Variants in FSTL5 observed in about 807,000 individuals in gnomAD.
FSTL5 encodes follistatin like 5, also known as follistatin-related protein 5.
Under a neutral mutation model 89.1 loss-of-function variants are expected in FSTL5, and 62 were observed. The observed-to-expected ratio is 0.70, with a 90% CI of 0.57 to 0.86. The LOEUF (loss-of-function observed/expected upper bound fraction) is 0.86, where lower values mean the gene tolerates loss of function less well. Among genes scored for constraint, FSTL5 ranks in the 40% least tolerant of loss-of-function variants. The probability of loss-of-function intolerance (pLI) is 0.00; values close to 1 mark genes in which losing one functional copy is unlikely to be tolerated. For missense variants in FSTL5, 1,057 were observed against 1,001.6 expected (o/e 1.06, Z -0.75); for synonymous variants, 383 against 346.2 (o/e 1.11, Z -1.18).
chr4:161,941,347 G>T (rs192618648), intron 3 of FSTL5, among the ~76,000 whole-genome samples: 2 of 151,818 alleles, frequency 1.3e-5, no homozygotes, highest in African/African-American at 4.8e-5. Flanking sequence ...TCAAAAGGAA[G>T]GGATTGGCAG....
intron 7 of FSTL5, among the ~76,000 whole-genome samples, chr4:161,600,050 A>G (rs1163969205): frequency 1.3e-5 from 2 of 152,024 alleles, no homozygotes; most frequent in Admixed American, 6.6e-5. Context: ...ATTTCACAGT[A>G]CAAAATTCAA....
At chr4:161,464,022 A>T (rs1458640069) in intron 13 of FSTL5, among the ~76,000 whole-genome samples, 3 of 152,094 alleles carry the variant, frequency 2.0e-5, no homozygotes, top group African/African-American at 7.2e-5. Flanking sequence ...AGCATCAGGC[A>T]AGTCATGACA....
chr4:161,776,253 A>G (rs1741409291), intron 4 of FSTL5, among the ~76,000 whole-genome samples, 179 bp from the exon 5 acceptor site: 1 of 152,106 alleles, frequency 6.6e-6, no homozygotes, highest in Non-Finnish European at 1.5e-5. Context: ...GGTAGGATAG[A>G]AAACTTTTAT....
chr4:161,631,002 TAATC>T (rs1358276532), intron 7 of FSTL5, among the ~76,000 whole-genome samples: 1 of 152,188 alleles, frequency 6.6e-6, no homozygotes, highest in Non-Finnish European at 1.5e-5. Flanking sequence ...CAATGATAAA[TAATC>T]AAGCAAAATA....
At chr4:161,892,007 T>G (rs1420260823) in intron 4 of FSTL5, among the ~76,000 whole-genome samples, 1 of 152,052 alleles carries the variant, frequency 6.6e-6, no homozygotes, top group Non-Finnish European at 1.5e-5. Flanking sequence ...CTTCAATTTT[T>G]TTTTTACTTT....
intron 4 of FSTL5, among the ~76,000 whole-genome samples, chr4:161,778,125 A>C (rs1741488531): frequency 6.8e-6 from 1 of 145,998 alleles, no homozygotes; most frequent in Admixed American, 6.8e-5. Context: ...CACACACACA[A>C]AAGGAAGAAA....
chr4:161,603,930 G>A (rs1734345259), intron 7 of FSTL5, among the ~76,000 whole-genome samples: 2 of 151,954 alleles, frequency 1.3e-5, no homozygotes, highest in African/African-American at 4.8e-5. Flanking sequence ...TGGATCACTC[G>A]GTCATTTATA....
intron 4 of FSTL5, among the ~76,000 whole-genome samples, chr4:161,837,301 T>A (rs2126868418): frequency 6.6e-6 from 1 of 151,408 alleles, no homozygotes; most frequent in Admixed American, 6.6e-5. Flanking sequence ...GAAATAGGAG[T>A]CCATGAAATT....
chr4:161,812,699 G>A (rs1189321949), intron 4 of FSTL5, among the ~76,000 whole-genome samples: 2 of 151,918 alleles, frequency 1.3e-5, no homozygotes, highest in Non-Finnish European at 2.9e-5. Context: ...AAAGGTGAAT[G>A]CCAGTTTAGG....
At chr4:161,724,596 G>T (rs985607068) in intron 6 of FSTL5, among the ~76,000 whole-genome samples, 1 of 152,074 alleles carries the variant, frequency 6.6e-6, no homozygotes, top group Non-Finnish European at 1.5e-5. Flanking sequence ...ATATCTTCAC[G>T]TTTGTTTGAT....
chr4:162,058,008 C>T (rs762402489), intron 2 of FSTL5, among the ~76,000 whole-genome samples: 2 of 152,074 alleles, frequency 1.3e-5, no homozygotes, highest in Non-Finnish European at 2.9e-5. Flanking sequence ...TAGTATGTCA[C>T]ACACATATTC....
At chr4:161,494,800 G>A (rs1158177876) in intron 12 of FSTL5, among the ~76,000 whole-genome samples, 1 of 152,066 alleles carries the variant, frequency 6.6e-6, no homozygotes, top group African/African-American at 2.4e-5. Context: ...GTGTCTCATG[G>A]CTATAATCCT....
chr4:161,522,611 A>G (rs992768724), intron 10 of FSTL5, among the ~76,000 whole-genome samples: 1 of 151,478 alleles, frequency 6.6e-6, no homozygotes, highest in Non-Finnish European at 1.5e-5. Context: ...TATCTTTCCC[A>G]CACTCTACAA....
intron 3 of FSTL5, among the ~76,000 whole-genome samples, chr4:161,964,733 T>G (rs1431591734): frequency 6.6e-6 from 1 of 152,040 alleles, no homozygotes; most frequent in East Asian, 1.9e-4. Flanking sequence ...GTTTCCTGTG[T>G]TTGCCTTCTA....
chr4:162,081,133 A>T (rs1237588975), intron 2 of FSTL5, among the ~76,000 whole-genome samples: 2 of 151,678 alleles, frequency 1.3e-5, no homozygotes, highest in African/African-American at 4.8e-5. Flanking sequence ...TAATTATTTA[A>T]TGATGAATAT....
At chr4:161,621,213 C>T (rs1735108343) in intron 7 of FSTL5, among the ~76,000 whole-genome samples, 1 of 150,114 alleles carries the variant, frequency 6.7e-6, no homozygotes, top group Non-Finnish European at 1.5e-5. Context: ...AAAATCATTT[C>T]CAGAAAACTA....
intron 3 of FSTL5, 146 bp from the exon 4 acceptor site, chr4:161,920,798 T>C (rs1733974816): frequency 2.1e-5 from 15 of 699,262 alleles, no homozygotes; most frequent in Non-Finnish European, 3.3e-5. Flanking sequence ...TGGACATGCT[T>C]ATATAAATAA....
At chr4:161,806,487 A>G (rs1729970538) in intron 4 of FSTL5, among the ~76,000 whole-genome samples, 1 of 152,126 alleles carries the variant, frequency 6.6e-6, no homozygotes, top group South Asian at 2.1e-4. Flanking sequence ...GTATCCAACA[A>G]TGAAGGGCAA....
chr4:161,853,596 T>C (rs1731629634), intron 4 of FSTL5, among the ~76,000 whole-genome samples: 1 of 152,086 alleles, frequency 6.6e-6, no homozygotes, highest in African/African-American at 2.4e-5. Context: ...TCTTAAACTT[T>C]CCTAAAAGTT....
Sources: gnomAD v4.1 joint callset for allele counts (sites outside exome capture counted in the v4.1 genomes callset) on GRCh38, gnomAD v4.1.1 for gene constraint, MANE v1.5 for transcripts, NCBI Gene and HGNC (gene_info 2026-07-23, HGNC 2026-07-21) for gene names.